Variants in TENM2 observed in about 807,000 individuals in gnomAD.
TENM2 encodes teneurin-2.
In TENM2, 52 loss-of-function variants were observed where a neutral mutation model predicts 245.2. The observed-to-expected ratio is 0.21, with a 90% confidence interval of 0.17 to 0.27. TENM2 has a LOEUF of 0.27. Among genes scored for constraint, TENM2 ranks in the 10% least tolerant of loss-of-function variants. The probability of loss-of-function intolerance (pLI) is 1.00; values close to 1 mark genes in which losing one functional copy is unlikely to be tolerated. For synonymous variants in TENM2, 1,363 were observed against 1,438.9 expected, an observed-to-expected ratio of 0.95 and a Z score of 1.19; for missense variants, 3,046 against 3,666.8, an observed-to-expected ratio of 0.83 and a Z score of 4.37.
chr5:167,916,298 G>A (rs1022896996), intron 3 of TENM2, among the ~76,000 whole-genome samples: 3 of 152,148 alleles, frequency 2.0e-5, no homozygotes, highest in African/African-American at 7.2e-5. Flanking sequence ...TCCATTGAAA[G>A]GCCCCTGGTG....
rs1399651074 is a variant in TENM2 at position 167,934,874 on chromosome 5, G to A, written c.713-17714G>A. 25 of 985,452 alleles carry A rather than the reference G, an allele frequency of 2.5e-5. No homozygotes were observed. In the East Asian group the frequency reaches 3.4e-4, roughly 13 times the overall value. The allele number at this position is 985,452 out of a possible 1,614,324, so 61.0% of individuals were successfully genotyped here. ...ACGGAGGAGGCTTAGCTTAGTACGCGTTCGGCAGGACGGGTGTGCAGGCTG... is the reference window on the plus strand; with the variant it reads ...ACGGAGGAGGCTTAGCTTAGTACGCATTCGGCAGGACGGGTGTGCAGGCTG... On this transcript the variant is annotated intron_variant, in intron 3 of 28. Transcript: ENST00000518659.
chr5:167,962,055 T>C (rs770459095), intron 4 of TENM2, among the ~76,000 whole-genome samples: 2 of 152,190 alleles, frequency 1.3e-5, no homozygotes, highest in Non-Finnish European at 2.9e-5. Context: ...TAATAAAGTG[T>C]CCTCTTGACA....
chr5:168,050,329 G>C (rs964045090), intron 6 of TENM2, among the ~76,000 whole-genome samples: 1 of 152,130 alleles, frequency 6.6e-6, no homozygotes, highest in Non-Finnish European at 1.5e-5. Flanking sequence ...GTGACCTTGG[G>C]TTTGAATTTG....
intron 2 of TENM2, among the ~76,000 whole-genome samples, chr5:167,415,280 A>AC (rs1398220960): frequency 6.6e-6 from 1 of 152,070 alleles, no homozygotes; most frequent in East Asian, 1.9e-4. Flanking sequence ...AAATGAAAAA[A>AC]AACTACTACA....
At chr5:167,060,546 G>T in the TENM2 span, among the ~76,000 whole-genome samples, 1 of 151,154 alleles carries the variant, frequency 6.6e-6, no homozygotes, top group Admixed American at 6.6e-5. Context: ...AGCTACTTGG[G>T]AGGCTGAGGC....
chr5:167,582,429 A>C (rs1420516954), intron 2 of TENM2, among the ~76,000 whole-genome samples: 5 of 152,280 alleles, frequency 3.3e-5, no homozygotes, highest in Non-Finnish European at 7.4e-5. Flanking sequence ...TATGTGATTT[A>C]TATACACACA....
At chr5:167,360,977 T>G (rs1158969522) in intron 1 of TENM2, among the ~76,000 whole-genome samples, 2 of 152,172 alleles carry the variant, frequency 1.3e-5, no homozygotes, top group Non-Finnish European at 2.9e-5. Context: ...TCAGTCATAT[T>G]GTGATTTGGT....
chr5:167,931,556 A>G (rs866992600), intron 3 of TENM2, among the ~76,000 whole-genome samples: 4,527 of 150,856 alleles, frequency 0.03, 255 homozygotes, highest in African/African-American at 0.1. Context: ...CATTGGAAAA[A>G]AAAAAAAAAA....
intron 2 of TENM2, among the ~76,000 whole-genome samples, chr5:167,730,111 G>A (rs1214289005): frequency 2.0e-5 from 3 of 152,132 alleles, no homozygotes; most frequent in South Asian, 4.1e-4. Context: ...AAAATCCATC[G>A]TCTTTGCAGT....
intron 12 of TENM2, among the ~76,000 whole-genome samples, chr5:168,145,821 G>A (rs1261507665): frequency 6.7e-6 from 1 of 149,804 alleles, no homozygotes; most frequent in Non-Finnish European, 1.5e-5. Context: ...AGCATGGAAG[G>A]TTCTTCCATT....
chr5:167,912,632 G>A (rs1208139136), intron 3 of TENM2, among the ~76,000 whole-genome samples: 1 of 152,146 alleles, frequency 6.6e-6, no homozygotes, highest in African/African-American at 2.4e-5. Flanking sequence ...GCACAAGTCT[G>A]TTATTCCTGT....
chr5:167,899,654 T>C (rs1198810151), intron 3 of TENM2, among the ~76,000 whole-genome samples: 1 of 151,640 alleles, frequency 6.6e-6, no homozygotes, highest in African/African-American at 2.4e-5. Flanking sequence ...GAAACCAGAG[T>C]GACTCATTTA....
At chr5:167,788,922 A>G (rs1420070924) in intron 2 of TENM2, among the ~76,000 whole-genome samples, 1 of 152,132 alleles carries the variant, frequency 6.6e-6, no homozygotes. Flanking sequence ...TCCTAATAGC[A>G]ACTCTTCAAA....
At chr5:168,165,648 A>ACCCCCCCCCCCCCCCCCCCCC (rs34203413) in intron 13 of TENM2, among the ~76,000 whole-genome samples, 1 of 30,942 alleles carries the variant, frequency 3.2e-5, no homozygotes, top group Admixed American at 5.9e-4. Context: ...CCCCCCCCCA[A>ACCCCCCCCCCCCCCCCCCCCC]CCCCCCCCCC....
rs750757549 is a variant in TENM2, at chr5:167,973,584, C to T, written c.948-19360C>T. On this transcript the variant is annotated intron_variant, in intron 4 of 28. Transcript: ENST00000518659. ...CAGGGGACTCTACGGAAGCATGGAG[C>T]GTGGAGTGCATCCAACCTACCTGGT... 1.8e-4 allele frequency among the ~76,000 whole-genome samples: 27 copies of T among 152,124 alleles called. 1 individual carries two copies. The highest frequency in any genetic ancestry group is 6.2e-4 in the South Asian group (3 of 4,828).
the TENM2 span, among the ~76,000 whole-genome samples, chr5:167,046,626 C>G: frequency 6.6e-6 from 1 of 152,154 alleles, no homozygotes; most frequent in African/African-American, 2.4e-5. Context: ...ACAGTTTTCT[C>G]CATGCATCTC....
At chr5:167,110,692 C>T in the TENM2 span, among the ~76,000 whole-genome samples, 5 of 152,128 alleles carry the variant, frequency 3.3e-5, no homozygotes, top group African/African-American at 1.2e-4. Flanking sequence ...TTGGACATTG[C>T]CTAATTTTAT....
intron 2 of TENM2, among the ~76,000 whole-genome samples, chr5:167,497,925 G>A (rs990746387): frequency 6.6e-6 from 1 of 151,700 alleles, no homozygotes; most frequent in East Asian, 1.9e-4. Context: ...GTACTTCCTC[G>A]CTCGCTTCTG....
At chr5:168,058,210 C>A (rs1290952158) in intron 6 of TENM2, among the ~76,000 whole-genome samples, 1 of 152,198 alleles carries the variant, frequency 6.6e-6, no homozygotes, top group Non-Finnish European at 1.5e-5. Flanking sequence ...CAAAGTAAAT[C>A]TTTGTTAAGG....
Sources: allele counts gnomAD v4.1 joint callset (sites outside exome capture counted in the v4.1 genomes callset), GRCh38; gene constraint gnomAD v4.1.1; transcripts MANE v1.5; gene names NCBI Gene and HGNC (gene_info 2026-07-23, HGNC 2026-07-21).